The following INPP4B variants were observed in gnomAD, a reference collection of about 807,000 sequenced individuals.
INPP4B encodes inositol polyphosphate-4-phosphatase type II B, also known as inositol polyphosphate 4-phosphatase type II.
INPP4B carries 55 observed loss-of-function variants against 122.5 expected under a neutral mutation model. That is an observed-to-expected ratio of 0.45 (90% CI 0.36 to 0.56). The LOEUF (loss-of-function observed/expected upper bound fraction) is 0.56. INPP4B is among the 20% of genes least tolerant of loss of function. The probability of loss-of-function intolerance (pLI) is 0.00; values close to 1 mark genes in which losing one functional copy is unlikely to be tolerated. For missense variants in INPP4B, 1,000 were observed against 1,097.7 expected (o/e 0.91, Z 1.26); for synonymous variants, 403 against 388.7 (o/e 1.04, Z -0.43).
intron 25 of INPP4B, among the ~76,000 whole-genome samples, chr4:142,044,374 A>T (rs2152350100): frequency 6.6e-6 from 1 of 152,262 alleles, no homozygotes; most frequent in East Asian, 1.9e-4. Flanking sequence ...GACATAGAAA[A>T]CAGTCACAGA....
intron 2 of INPP4B, among the ~76,000 whole-genome samples, chr4:142,644,676 C>T (rs988465356): frequency 6.5e-5 from 9 of 139,466 alleles, no homozygotes; most frequent in Non-Finnish European, 1.2e-4. Flanking sequence ...GTGGGCTGGG[C>T]GGATCACCTA....
chr4:142,198,412 C>T (rs1839264772), intron 14 of INPP4B, among the ~76,000 whole-genome samples: 1 of 151,916 alleles, frequency 6.6e-6, no homozygotes, highest in Non-Finnish European at 1.5e-5. Context: ...TTATCTTTCT[C>T]ATCCTGGTAT....
intron 9 of INPP4B, among the ~76,000 whole-genome samples, chr4:142,298,452 C>T (rs899419879): frequency 6.2e-5 from 8 of 129,400 alleles, no homozygotes; most frequent in African/African-American, 1.6e-4. Flanking sequence ...TTTGGGAGGC[C>T]GAGTTGGGTA....
At chr4:142,301,596 T>G (rs1293256629) in intron 9 of INPP4B, among the ~76,000 whole-genome samples, 3 of 152,346 alleles carry the variant, frequency 2.0e-5, no homozygotes, top group Non-Finnish European at 2.9e-5. Flanking sequence ...ACATATTCCT[T>G]GCATGCTAGC....
chr4:142,270,372 G>A (rs961186462), intron 10 of INPP4B, among the ~76,000 whole-genome samples: 2 of 152,146 alleles, frequency 1.3e-5, no homozygotes, highest in African/African-American at 4.8e-5. Context: ...GGTAAAATGC[G>A]ACAATGATCA....
At chr4:142,584,898 C>T (rs2150218576) in intron 2 of INPP4B, among the ~76,000 whole-genome samples, 1 of 152,246 alleles carries the variant, frequency 6.6e-6, no homozygotes, top group Admixed American at 6.5e-5. Flanking sequence ...TTTATTTATT[C>T]AGTCATTTAC....
At chr4:142,303,287 A>T (rs1231811359) in intron 9 of INPP4B, among the ~76,000 whole-genome samples, 1 of 152,156 alleles carries the variant, frequency 6.6e-6, no homozygotes, top group East Asian at 1.9e-4. Flanking sequence ...ATACAAGCAC[A>T]ACTGTAAGAT....
At chr4:142,597,536 C>T (rs1273209543) in intron 2 of INPP4B, among the ~76,000 whole-genome samples, 1 of 152,100 alleles carries the variant, frequency 6.6e-6, no homozygotes, top group Non-Finnish European at 1.5e-5. Flanking sequence ...CTTCTTTATC[C>T]TAAACTAGAA....
At position 142,173,682 on chromosome 4, in the gene INPP4B, G is replaced by T. The variant is rs774942452; in HGVS notation, c.1309C>A (p.Gln437Lys). 6.2e-7 allele frequency: 1 copy of T among 1,613,188 alleles called. No individual in the cohort carries two copies. The highest frequency in any genetic ancestry group is 1.1e-5 in the South Asian group (1 of 91,026). Residue 437 changes from glutamine (Q) to lysine (K), a missense_variant, in exon 16 of 26, where the codon CAG (glutamine) becomes AAG (lysine). Gln to Lys is a moderately conservative substitution (Grantham distance 53). Coordinates refer to ENST00000262992, the MANE Select transcript of INPP4B (RefSeq NM_001101669.3). ...HADLLLNSASQHSPDSLKNSL... is the reference protein window; with the variant it reads ...HADLLLNSASKHSPDSLKNSL... ...TTCTTCAAGCTGTCTGGAGAATGCTGGCTTGCAGAATTAAGCAGTAGGTCT... is the reference window on the plus strand; with the variant it reads ...TTCTTCAAGCTGTCTGGAGAATGCTTGCTTGCAGAATTAAGCAGTAGGTCT...
In INPP4B at chr4:142,698,312, G is replaced by A. The variant is rs371333498; in HGVS notation, c.-191+27527C>T. On this transcript the variant is annotated intron_variant, in intron 2 of 25. Coordinates refer to ENST00000262992, the MANE Select transcript of INPP4B (RefSeq NM_001101669.3). ...TTCTCATAGAAAAAAAGACATACGAGATTAATTTTTAAATCTTAGCACTGA... is the reference window on the plus strand; with the variant it reads ...TTCTCATAGAAAAAAAGACATACGAAATTAATTTTTAAATCTTAGCACTGA... 4.6e-5 allele frequency among the ~76,000 whole-genome samples: 7 copies of A among 151,534 alleles called. No individual in the cohort carries two copies. In the East Asian group the frequency reaches 9.7e-4, roughly 21 times the overall value.
intron 2 of INPP4B, among the ~76,000 whole-genome samples, chr4:142,516,039 C>T (rs1257690598): frequency 6.6e-6 from 1 of 152,098 alleles, no homozygotes; most frequent in Non-Finnish European, 1.5e-5. Flanking sequence ...CTAAATTTTT[C>T]CATCCAAAAA....
intron 12 of INPP4B, among the ~76,000 whole-genome samples, chr4:142,230,402 T>G (rs2149831919): frequency 6.6e-6 from 1 of 152,038 alleles, no homozygotes; most frequent in South Asian, 2.1e-4. Flanking sequence ...TCCCAGCACT[T>G]TGGGAGGCTG....
chr4:142,628,111 C>T lies in INPP4B; in HGVS notation c.-191+97728G>A, dbSNP rs573291380. ...ATGCTGCTATAAAGACACATGCACA[C>T]GTATGTTTATTGCGGCATTATTCAC... On this transcript the variant is annotated intron_variant, in intron 2 of 25. Transcript: ENST00000262992. 5.9e-5 allele frequency among the ~76,000 whole-genome samples: 9 copies of T among 151,466 alleles called. No homozygotes were observed. In the East Asian group the frequency reaches 1.2e-3, roughly 20 times the overall value.
Position 142,827,771 on chromosome 4 carries a change from G to A in INPP4B, c.-254+18438C>T, listed in dbSNP as rs147654680. Among the ~76,000 whole-genome samples the A allele has an allele frequency of 5.3e-3, 812 of 152,182 alleles. 4 individuals are homozygous for A. The highest frequency in any genetic ancestry group is 0.019 in the African/African-American group (774 of 41,522). Reference sequence around the variant, plus strand: ...CATTTTCTGTTGAGACACGTTAATGGTCCTTTCTTTCTCTCATTCATTCAA... The same window carrying A: ...CATTTTCTGTTGAGACACGTTAATGATCCTTTCTTTCTCTCATTCATTCAA... On this transcript the variant is annotated intron_variant, in intron 1 of 25. Transcript: ENST00000262992.
At chr4:142,310,600 TGAA>T (rs1453918786) in intron 8 of INPP4B, among the ~76,000 whole-genome samples, 1 of 151,918 alleles carries the variant, frequency 6.6e-6, no homozygotes, top group Non-Finnish European at 1.5e-5. Context: ...TCTGAAAAGT[TGAA>T]GTTTCTATCA....
chr4:142,741,457 C>T (rs1019388590), intron 1 of INPP4B, among the ~76,000 whole-genome samples: 1 of 151,962 alleles, frequency 6.6e-6, no homozygotes, highest in East Asian at 1.9e-4. Flanking sequence ...TCCAATACCT[C>T]ACACCAGGCC....
intron 11 of INPP4B, among the ~76,000 whole-genome samples, chr4:142,249,913 C>T (rs989806351): frequency 6.6e-6 from 1 of 152,164 alleles, no homozygotes; most frequent in African/African-American, 2.4e-5. Flanking sequence ...CCCATTTCCA[C>T]CTCACCTCCA....
chr4:142,471,355 G>A (rs1017619196), intron 2 of INPP4B, among the ~76,000 whole-genome samples: 7 of 151,950 alleles, frequency 4.6e-5, no homozygotes, highest in African/African-American at 9.7e-5. Flanking sequence ...ATGCAAATAC[G>A]TCAATGTGTT....
intron 23 of INPP4B, among the ~76,000 whole-genome samples, chr4:142,104,904 A>T (rs1786229315): frequency 2.6e-5 from 4 of 152,066 alleles, no homozygotes. Flanking sequence ...GTCATTGCAT[A>T]TTTATTTTTA....
Sources: allele counts gnomAD v4.1 joint callset (sites outside exome capture counted in the v4.1 genomes callset), GRCh38; gene constraint gnomAD v4.1.1; transcripts MANE v1.5; gene names NCBI Gene and HGNC (gene_info 2026-07-23, HGNC 2026-07-21).